SCD5: variants seen among roughly 807,000 people sequenced by gnomAD.
The protein encoded by SCD5 is acyl-CoA-desaturase 4.
SCD5 carries 20 observed loss-of-function variants against 30.4 expected under a neutral mutation model. The ratio of observed to expected loss-of-function variants is 0.66; its 90% CI spans 0.46 to 0.96. The LOEUF is 0.96. Among genes scored for constraint, SCD5 ranks in the 40% least tolerant of loss-of-function variants. SCD5 has a pLI of 0.00. For missense variants in SCD5, 381 were observed against 443.3 expected (o/e 0.86, Z 1.26); for synonymous variants, 173 against 176.4 (o/e 0.98, Z 0.16).
At chr4:82,641,447 G>A (rs1437463874) in intron 3 of SCD5, among the ~76,000 whole-genome samples, 1 of 152,030 alleles carries the variant, frequency 6.6e-6, no homozygotes, top group Admixed American at 6.6e-5. Context: ...CAGAGAAGGA[G>A]AATATGATAT....
intron 2 of SCD5, among the ~76,000 whole-genome samples, chr4:82,695,951 TAA>T (rs1719687856): frequency 6.6e-6 from 1 of 152,188 alleles, no homozygotes; most frequent in South Asian, 2.1e-4. Context: ...TGTCTTTTTA[TAA>T]GAGTCTTTAT....
chr4:82,795,478 G>A (rs1722191372), intron 1 of SCD5, among the ~76,000 whole-genome samples: 1 of 152,204 alleles, frequency 6.6e-6, no homozygotes, highest in South Asian at 2.1e-4. Flanking sequence ...ATGTAGCCTA[G>A]CCATCAGCAC....
At chr4:82,788,975 A>G (rs1403213082) in intron 1 of SCD5, among the ~76,000 whole-genome samples, 1 of 152,082 alleles carries the variant, frequency 6.6e-6, no homozygotes, top group Non-Finnish European at 1.5e-5. Context: ...GAAATTAGAA[A>G]TTTTCCTTTT....
At chr4:82,796,713 G>A (rs533543290) in intron 1 of SCD5, among the ~76,000 whole-genome samples, 134 of 152,288 alleles carry the variant, frequency 8.8e-4, no homozygotes, top group African/African-American at 3.1e-3. Context: ...ACCAGGCTCT[G>A]AGGACCAAGC....
At chr4:82,779,667 G>A (rs939282897) in intron 1 of SCD5, among the ~76,000 whole-genome samples, 4 of 152,144 alleles carry the variant, frequency 2.6e-5, no homozygotes, top group East Asian at 3.9e-4. Context: ...AACCCTGACG[G>A]CCCCTTAACA....
chr4:82,663,507 C>T (rs1156626492), intron 3 of SCD5, among the ~76,000 whole-genome samples: 51 of 152,192 alleles, frequency 3.4e-4, no homozygotes, highest in Non-Finnish European at 8.8e-5. Context: ...TTGCCTTCTT[C>T]CCCAGGGCCC....
chr4:82,783,054 G>C (rs765085183), intron 1 of SCD5, among the ~76,000 whole-genome samples: 18 of 152,196 alleles, frequency 1.2e-4, no homozygotes, highest in Non-Finnish European at 2.2e-4. Context: ...AGATTCCTGG[G>C]TCTGGCCCCC....
chr4:82,721,138 G>C (rs985914781), intron 1 of SCD5, among the ~76,000 whole-genome samples: 1 of 152,138 alleles, frequency 6.6e-6, no homozygotes, highest in Non-Finnish European at 1.5e-5. Flanking sequence ...TCCGGTCTAG[G>C]TGACAGAGTG....
chr4:82,651,161 C>T lies in SCD5; in HGVS notation c.570-14338G>A, dbSNP rs114783783. On this transcript the variant is annotated intron_variant, in intron 3 of 4. Transcript: ENST00000319540. The stretch of plus-strand genomic sequence containing the variant: ...CACAGATGGTAGTTGGACAAGAGGG[C>T]CTTACAGACCCTCTGAAAGGGTCTT... Among the ~76,000 whole-genome samples, 10 of 152,212 alleles carry T rather than the reference C, an allele frequency of 6.6e-5. No individual in the cohort carries two copies. In the South Asian group the frequency reaches 1.0e-3, roughly 16 times the overall value.
intron 2 of SCD5, among the ~76,000 whole-genome samples, chr4:82,689,685 A>T (rs1728789599): frequency 6.6e-6 from 1 of 152,240 alleles, no homozygotes; most frequent in East Asian, 1.9e-4. Flanking sequence ...AGTTTGATGA[A>T]GATAAAATAT....
At chr4:82,718,435 T>TCC (rs1720279838) in intron 1 of SCD5, among the ~76,000 whole-genome samples, 1 of 151,688 alleles carries the variant, frequency 6.6e-6, no homozygotes, top group Non-Finnish European at 1.5e-5. Context: ...ACTCAGACCC[T>TCC]CCCTCACCAT....
chr4:82,664,999 C>CTCTCTCTCTCTCTCTCTATATA (rs1219554314), intron 3 of SCD5, among the ~76,000 whole-genome samples: 8 of 70,486 alleles, frequency 1.1e-4, no homozygotes, highest in Admixed American at 1.7e-4. Context: ...CTCTCTCTCT[C>CTCTCTCTCTCTCTCTCTATATA]TATATATATA....
chr4:82,668,083 G>A (rs1182220468), intron 3 of SCD5, among the ~76,000 whole-genome samples: 1 of 152,156 alleles, frequency 6.6e-6, no homozygotes, highest in East Asian at 1.9e-4. Flanking sequence ...TGAGCAATAG[G>A]TTAAACAGCT....
intron 1 of SCD5, among the ~76,000 whole-genome samples, chr4:82,771,895 G>A (rs1464331260): frequency 6.6e-6 from 1 of 152,116 alleles, no homozygotes; most frequent in Non-Finnish European, 1.5e-5. Flanking sequence ...TACCCTCAGG[G>A]AGCTTCCAGT....
At chr4:82,759,648 TA>T (rs70938309) in intron 1 of SCD5, among the ~76,000 whole-genome samples, 24,623 of 125,500 alleles carry the variant, frequency 0.2, 2,318 homozygotes, top group Admixed American at 0.26. Context: ...AACCCCGTCT[TA>T]AAAAAAAAAA....
chr4:82,646,558 A>C (rs368199519), intron 3 of SCD5, among the ~76,000 whole-genome samples: 1 of 152,126 alleles, frequency 6.6e-6, no homozygotes, highest in Non-Finnish European at 1.5e-5. Flanking sequence ...GCTTTGTTTG[A>C]AGTATTCTCT....
In SCD5 at chr4:82,630,410, A is replaced by G. The variant is rs535024375; in HGVS notation, c.*917T>C. The G allele has an allele frequency of 2.0e-5, 3 of 152,292 alleles. No homozygotes were observed. Among genetic ancestry groups the G allele is most frequent in the African/African-American group, 4.8e-5 (2 of 41,560 alleles). 9.4% of individuals were successfully genotyped at this position (152,292 alleles called of 1,614,324 possible). A position where few individuals can be genotyped will look rare whatever the true frequency, so the allele number is the denominator to read the frequency against. ...GAAACATTCTTTAGTTACCACATAGATCCCCCTTCTGTCTTCTACCCTGCC... is the reference window on the plus strand; with the variant it reads ...GAAACATTCTTTAGTTACCACATAGGTCCCCCTTCTGTCTTCTACCCTGCC... On this transcript the variant is annotated 3_prime_UTR_variant, in exon 5 of 5. Transcript: ENST00000319540.
chr4:82,743,722 A>C (rs1320364978), intron 1 of SCD5, among the ~76,000 whole-genome samples: 1 of 151,504 alleles, frequency 6.6e-6, no homozygotes, highest in African/African-American at 2.4e-5. Context: ...GGGTCTCACT[A>C]TGTTGCCCAG....
At chr4:82,682,501 T>A (rs1728599212) in intron 2 of SCD5, among the ~76,000 whole-genome samples, 1 of 152,192 alleles carries the variant, frequency 6.6e-6, no homozygotes, top group Admixed American at 6.5e-5. Context: ...TAAATTTAAG[T>A]ATTATATTAC....
Sources: allele counts gnomAD v4.1 joint callset (sites outside exome capture counted in the v4.1 genomes callset), GRCh38; gene constraint gnomAD v4.1.1; transcripts MANE v1.5; gene names NCBI Gene and HGNC (gene_info 2026-07-23, HGNC 2026-07-21).